Variants in LUZP2 observed in about 807,000 individuals in gnomAD.
LUZP2 encodes the protein leucine zipper protein 2.
Under a neutral mutation model 51.6 loss-of-function variants are expected in LUZP2, and 52 were observed. That is an observed-to-expected ratio of 1.01 (90% confidence interval 0.81 to 1.27). The LOEUF (loss-of-function observed/expected upper bound fraction) is 1.27, where lower values mean the gene tolerates loss of function less well. Ranked by LOEUF, LUZP2 falls within the 50% of genes most tolerant of loss-of-function variation. LUZP2 has a pLI of 0.00. For missense variants in LUZP2, 436 were observed against 395.4 expected (o/e 1.10, Z -0.87); for synonymous variants, 154 against 137.3 (o/e 1.12, Z -0.85).
At position 24,795,378 on chromosome 11, in the gene LUZP2, A is replaced by G. The variant is rs186146693; in HGVS notation, c.396+32070A>G. On this transcript the variant is annotated intron_variant, in intron 5 of 11. Coordinates refer to ENST00000336930, the MANE Select transcript of LUZP2 (RefSeq NM_001009909.4). ...AGTTCACTAATTATTCACTGAGTAT[A>G]TCTGATTCCTACAGCATTAAAACAG... Among the ~76,000 whole-genome samples the G allele has an allele frequency of 1.9e-3, 292 of 152,276 alleles. 3 individuals are homozygous for G. The highest frequency in any genetic ancestry group is 9.3e-3 in the South Asian group (45 of 4,828).
intron 5 of LUZP2, among the ~76,000 whole-genome samples, chr11:24,824,390 A>AAAAAAAAAAAT (rs1304693659): frequency 6.8e-5 from 10 of 147,576 alleles, no homozygotes; most frequent in African/African-American, 2.5e-4. Flanking sequence ...AAAAAAAAAA[A>AAAAAAAAAAAT]AAATGAGTGG....
chr11:24,741,910 T>TAATATATACTTTATATATTATATATA (rs1565110854), intron 4 of LUZP2, among the ~76,000 whole-genome samples: 1 of 106,530 alleles, frequency 9.4e-6, no homozygotes, highest in African/African-American at 4.1e-5. Context: ...TATTTCTATA[T>TAATATATACTTTATATATTATATATA]AATATATACA....
chr11:24,825,719 T>G (rs1850504301), intron 5 of LUZP2, among the ~76,000 whole-genome samples: 2 of 150,990 alleles, frequency 1.3e-5, no homozygotes, highest in African/African-American at 4.9e-5. Flanking sequence ...TTTATTTACT[T>G]ATTTCGACAG....
At chr11:24,690,527 TTTA>T (rs1857032686) in intron 1 of LUZP2, among the ~76,000 whole-genome samples, 2 of 152,150 alleles carry the variant, frequency 1.3e-5, no homozygotes, top group Non-Finnish European at 2.9e-5. Context: ...AAGTAAAATA[TTTA>T]AACTTCATTT....
intron 7 of LUZP2, among the ~76,000 whole-genome samples, chr11:24,916,065 T>G (rs1325163402): frequency 6.6e-6 from 1 of 152,044 alleles, no homozygotes; most frequent in Non-Finnish European, 1.5e-5. Context: ...ACATTTACAT[T>G]TCATCCTAAA....
intron 5 of LUZP2, among the ~76,000 whole-genome samples, chr11:24,846,221 AAATAT>A (rs1851193933): frequency 6.6e-6 from 1 of 152,060 alleles, no homozygotes; most frequent in Admixed American, 6.6e-5. Context: ...AAAAAAAATC[AAATAT>A]AAGATTCAGC....
At chr11:24,503,356 G>T (rs1334358058) in intron 1 of LUZP2, among the ~76,000 whole-genome samples, 1 of 152,128 alleles carries the variant, frequency 6.6e-6, no homozygotes, top group Admixed American at 6.5e-5. Flanking sequence ...TAGATGAAAG[G>T]TACAGATCAT....
At chr11:25,019,934 T>G (rs1382518258) in intron 9 of LUZP2, among the ~76,000 whole-genome samples, 1 of 152,082 alleles carries the variant, frequency 6.6e-6, no homozygotes, top group African/African-American at 2.4e-5. Context: ...ATACTTTATC[T>G]TCTTAAAAAT....
At chr11:24,911,346 A>G (rs1853627189) in intron 6 of LUZP2, among the ~76,000 whole-genome samples, 1 of 152,160 alleles carries the variant, frequency 6.6e-6, no homozygotes, top group Non-Finnish European at 1.5e-5. Context: ...CTGGAACAGA[A>G]TGATGTGGTT....
intron 1 of LUZP2, among the ~76,000 whole-genome samples, chr11:24,680,675 G>A (rs1856703844): frequency 6.6e-6 from 1 of 152,114 alleles, no homozygotes; most frequent in South Asian, 2.1e-4. Context: ...AGTCCTTTAT[G>A]TTCAACACAA....
intron 5 of LUZP2, among the ~76,000 whole-genome samples, chr11:24,776,183 C>T (rs200876267): frequency 1.3e-5 from 2 of 152,324 alleles, no homozygotes; most frequent in East Asian, 3.9e-4. Context: ...TAGACAGTCT[C>T]ATTTCATCTC....
chr11:24,727,269 CAT>C (rs948754645), intron 1 of LUZP2, among the ~76,000 whole-genome samples: 1 of 151,986 alleles, frequency 6.6e-6, no homozygotes, highest in Admixed American at 6.6e-5. Context: ...CTGATAAACT[CAT>C]AGCCAAATCA....
chr11:24,511,246 C>T (rs1850300992), intron 1 of LUZP2, among the ~76,000 whole-genome samples: 1 of 152,106 alleles, frequency 6.6e-6, no homozygotes, highest in East Asian at 1.9e-4. Flanking sequence ...TAATGCCATT[C>T]ACAGATTTTT....
At chr11:24,689,270 T>C (rs1338089421) in intron 1 of LUZP2, among the ~76,000 whole-genome samples, 2 of 152,170 alleles carry the variant, frequency 1.3e-5, no homozygotes, top group Non-Finnish European at 2.9e-5. Flanking sequence ...GCTGTCCACA[T>C]GTGCAGTGGC....
intron 5 of LUZP2, among the ~76,000 whole-genome samples, chr11:24,824,390 A>AAAAAAAAAAAAAAAT (rs1304693659): frequency 4.7e-5 from 7 of 147,578 alleles, no homozygotes; most frequent in African/African-American, 1.8e-4. Flanking sequence ...AAAAAAAAAA[A>AAAAAAAAAAAAAAAT]AAATGAGTGG....
At chr11:24,761,368 A>T (rs1859972587) in intron 4 of LUZP2, among the ~76,000 whole-genome samples, 2 of 152,134 alleles carry the variant, frequency 1.3e-5, no homozygotes, top group African/African-American at 2.4e-5. Flanking sequence ...ATGGTGCTAA[A>T]CCATTAGAAA....
At chr11:24,968,939 G>A (rs1368331319) in intron 7 of LUZP2, among the ~76,000 whole-genome samples, 2 of 152,130 alleles carry the variant, frequency 1.3e-5, no homozygotes, top group Non-Finnish European at 2.9e-5. Context: ...ATAGGAGGAG[G>A]GCTAGTCCAA....
chr11:24,978,252 T>C (rs558325756), intron 8 of LUZP2, among the ~76,000 whole-genome samples: 1 of 151,910 alleles, frequency 6.6e-6, no homozygotes, highest in East Asian at 1.9e-4. Flanking sequence ...AGCTAATCTC[T>C]GACCATATCC....
chr11:24,938,963 C>T (rs1477426693), intron 7 of LUZP2, among the ~76,000 whole-genome samples: 2 of 152,082 alleles, frequency 1.3e-5, no homozygotes, highest in Non-Finnish European at 2.9e-5. Flanking sequence ...TTCTACACTT[C>T]AAACAAGCCC....
Sources: gnomAD v4.1 joint callset for allele counts (sites outside exome capture counted in the v4.1 genomes callset) on GRCh38, gnomAD v4.1.1 for gene constraint, MANE v1.5 for transcripts, NCBI Gene and HGNC (gene_info 2026-07-23, HGNC 2026-07-21) for gene names.